Variants in AFF1 observed in about 807,000 individuals in gnomAD.
AFF1 encodes the protein ALF transcription elongation factor 1, also known as AF4/FMR2 family member 1.
In AFF1, 48 loss-of-function variants were observed where a neutral mutation model predicts 121.7. The observed-to-expected ratio is 0.39, with a 90% CI of 0.31 to 0.50. The LOEUF (loss-of-function observed/expected upper bound fraction) is 0.50, where lower values mean the gene tolerates loss of function less well. Ranked by LOEUF, AFF1 falls within the 20% of genes least tolerant of loss-of-function variation. The pLI, the probability that AFF1 is intolerant of heterozygous loss-of-function variation, is 0.76. For synonymous variants in AFF1, 613 were observed against 563.0 expected, an observed-to-expected ratio of 1.09 and a Z score of -1.26; for missense variants, 1,523 against 1,511.7, an observed-to-expected ratio of 1.01 and a Z score of -0.12.
chr4:87,036,485 A>G (rs1729573551), intron 2 of AFF1, among the ~76,000 whole-genome samples: 2 of 152,048 alleles, frequency 1.3e-5, no homozygotes. Flanking sequence ...TATTTTTAAA[A>G]TATGTTTGGA....
chr4:87,060,524 T>A (rs1720636543), intron 4 of AFF1, among the ~76,000 whole-genome samples: 1 of 152,168 alleles, frequency 6.6e-6, no homozygotes. Context: ...AACGGTATCA[T>A]TAACTGGTAT....
chr4:87,015,133 A>G (rs1225304769), intron 2 of AFF1, among the ~76,000 whole-genome samples: 1 of 152,228 alleles, frequency 6.6e-6, no homozygotes, highest in Non-Finnish European at 1.5e-5. Flanking sequence ...AGTCATTGGT[A>G]TAAAGTAAGC....
At chr4:86,980,809 G>C (rs1034687627) in intron 2 of AFF1, among the ~76,000 whole-genome samples, 1 of 152,100 alleles carries the variant, frequency 6.6e-6, no homozygotes. Flanking sequence ...GCTTACTTTG[G>C]AACTATTAAA....
intron 2 of AFF1, among the ~76,000 whole-genome samples, chr4:86,988,423 T>G (rs1724457672): frequency 6.6e-6 from 1 of 152,034 alleles, no homozygotes; most frequent in Non-Finnish European, 1.5e-5. Context: ...ACATGCGATA[T>G]TTGCCTATCT....
intron 2 of AFF1, among the ~76,000 whole-genome samples, chr4:86,999,848 G>A (rs1265235138): frequency 6.6e-6 from 1 of 152,218 alleles, no homozygotes; most frequent in Non-Finnish European, 1.5e-5. Flanking sequence ...GGCAGAAGGA[G>A]ACTGGGTGGT....
chr4:87,038,298 C>T (rs369829280), intron 2 of AFF1, among the ~76,000 whole-genome samples: 3 of 152,138 alleles, frequency 2.0e-5, no homozygotes, highest in African/African-American at 7.2e-5. Context: ...AATTCTTTCA[C>T]ATGGATGGAG....
At chr4:87,105,101 T>C (rs989715299) in intron 8 of AFF1, among the ~76,000 whole-genome samples, 1 of 152,270 alleles carries the variant, frequency 6.6e-6, no homozygotes, top group Non-Finnish European at 1.5e-5. Context: ...TATTTAATTC[T>C]AATGTTGAAC....
chr4:86,951,399 C>T lies in AFF1; in HGVS notation c.38+2828C>T, dbSNP rs565175593. Among the ~76,000 whole-genome samples, 11 of 151,620 alleles carry T rather than the reference C, an allele frequency of 7.3e-5. 1 individual carries two copies. In the South Asian group the frequency reaches 2.3e-3, roughly 32 times the overall value. On this transcript the variant is annotated intron_variant, in intron 2 of 20. Transcript: ENST00000395146. Reference sequence around the variant, plus strand: ...ACAAAAAAAAAAAATTGAGAAAGCACTGACGCTTTTCAATTCGTTACAGTT... The same window carrying T: ...ACAAAAAAAAAAAATTGAGAAAGCATTGACGCTTTTCAATTCGTTACAGTT...
chr4:87,062,401 C>G (rs1720871808), intron 4 of AFF1, among the ~76,000 whole-genome samples: 1 of 152,144 alleles, frequency 6.6e-6, no homozygotes, highest in Non-Finnish European at 1.5e-5. Context: ...GCCCTCATGA[C>G]CTAAGCACCT....
chr4:87,034,942 G>A (rs749260742), intron 2 of AFF1, among the ~76,000 whole-genome samples: 3 of 152,182 alleles, frequency 2.0e-5, no homozygotes, highest in Non-Finnish European at 2.9e-5. Context: ...TTTATTAAGC[G>A]CTGTGCTGGG....
chr4:87,008,073 G>A (rs1726352363), intron 2 of AFF1, among the ~76,000 whole-genome samples: 2 of 152,178 alleles, frequency 1.3e-5, no homozygotes, highest in Admixed American at 6.5e-5. Context: ...TTTTTGTAAT[G>A]AGCGTTGAAG....
At chr4:87,116,377 T>C (rs989783224) in intron 12 of AFF1, among the ~76,000 whole-genome samples, 1 of 152,178 alleles carries the variant, frequency 6.6e-6, no homozygotes, top group African/African-American at 2.4e-5. Context: ...TTCATGATGA[T>C]GAAAGATTAG....
intron 2 of AFF1, among the ~76,000 whole-genome samples, chr4:87,013,187 T>C (rs1031971276): frequency 6.6e-6 from 1 of 151,836 alleles, no homozygotes; most frequent in Admixed American, 6.6e-5. Context: ...AATACAGGCA[T>C]GCTCCACCAA....
At chr4:86,966,649 T>G (rs1173310886) in intron 2 of AFF1, among the ~76,000 whole-genome samples, 2 of 152,146 alleles carry the variant, frequency 1.3e-5, no homozygotes, top group Non-Finnish European at 2.9e-5. Context: ...CCTTAAGAGT[T>G]ACTTGGCTCA....
At chr4:86,986,079 T>TTAATTTAATG (rs1553912999) in intron 2 of AFF1, among the ~76,000 whole-genome samples, 4 of 150,356 alleles carry the variant, frequency 2.7e-5, no homozygotes, top group South Asian at 2.1e-4. Flanking sequence ...TTAATTTAAT[T>TTAATTTAATG]TAATGTAATT....
At chr4:87,086,061 A>C (rs968826788) in intron 5 of AFF1, among the ~76,000 whole-genome samples, 1 of 152,198 alleles carries the variant, frequency 6.6e-6, no homozygotes, top group Non-Finnish European at 1.5e-5. Context: ...TTGAACTGCT[A>C]ACAGTGAGGA....
At position 87,139,472 on chromosome 4, in the gene AFF1, C is replaced by T. The variant is rs1729550229; in HGVS notation, c.*3771C>T. ...CTTTGCCATTTCATCTGTTTACACT[C>T]TTTGCCACTGATTAGCAGTATTTAA... On this transcript the variant is annotated 3_prime_UTR_variant, in exon 21 of 21. Transcript: ENST00000395146. The T allele has an allele frequency of 4.3e-6, 1 of 232,310 alleles. No individual in the cohort carries two copies. The highest frequency in any genetic ancestry group is 2.2e-5 in the African/African-American group (1 of 45,278). The allele number at this position is 232,310 out of a possible 1,614,324, so 14.4% of individuals were successfully genotyped here.
intron 2 of AFF1, among the ~76,000 whole-genome samples, chr4:86,986,834 A>G (rs1157726566): frequency 6.6e-6 from 1 of 152,074 alleles, no homozygotes; most frequent in African/African-American, 2.4e-5. Context: ...AGATAACATA[A>G]TAGTATTGTG....
At chr4:87,073,244 T>C (rs1722278529) in intron 4 of AFF1, among the ~76,000 whole-genome samples, 1 of 130,202 alleles carries the variant, frequency 7.7e-6, no homozygotes. Context: ...TAGACCCTAG[T>C]AATTAACCTG....
Sources: gnomAD v4.1 joint callset for allele counts (sites outside exome capture counted in the v4.1 genomes callset) on GRCh38, gnomAD v4.1.1 for gene constraint, MANE v1.5 for transcripts, NCBI Gene and HGNC (gene_info 2026-07-23, HGNC 2026-07-21) for gene names.